Variants in AHRR observed in about 807,000 individuals in gnomAD.
The protein encoded by AHRR is aryl hydrocarbon receptor repressor.
A neutral mutation model predicts 44.0 loss-of-function variants in AHRR; 28 were observed. The ratio of observed to expected loss-of-function variants is 0.64; its 90% CI spans 0.47 to 0.87. The LOEUF (loss-of-function observed/expected upper bound fraction) is 0.87. AHRR is among the 40% of genes least tolerant of loss of function. The pLI, the probability that AHRR is intolerant of heterozygous loss-of-function variation, is 0.00. For missense variants in AHRR, 990 were observed against 953.9 expected (o/e 1.04, Z -0.50); for synonymous variants, 434 against 407.0 (o/e 1.07, Z -0.80).
In AHRR at chr5:430,103, G is replaced by A. The variant is rs1736656483; in HGVS notation, c.908+2097G>A. 4.6e-5 allele frequency among the ~76,000 whole-genome samples: 7 copies of A among 152,096 alleles called. No individual in the cohort carries two copies. In the South Asian group the frequency reaches 1.2e-3, roughly 27 times the overall value. On this transcript the variant is annotated intron_variant, in intron 8 of 10. Coordinates refer to ENST00000684583, the MANE Select transcript of AHRR (RefSeq NM_001377236.1). ...CTGCTGTACCTGCTGTGGCAGGCGC[G>A]TTGGGGTGATCTTAAGTTGCAGTCA... is the stretch of plus-strand genomic sequence containing the variant.
In AHRR at chr5:419,083, G is replaced by A. The variant is rs1735955474; in HGVS notation, c.442-3646G>A. The A allele has an allele frequency of 6.6e-6, 1 of 152,256 alleles. No individual in the cohort carries two copies. 9.4% of individuals were successfully genotyped at this position (152,256 alleles called of 1,614,324 possible). The stretch of plus-strand genomic sequence containing the variant: ...CCTGACCGTGACCACAAAGCTGAAG[G>A]AGTCTCTCTCTTCTATTGGGAAATA... On this transcript the variant is annotated intron_variant, in intron 5 of 10. Transcript: ENST00000684583. This position sits in a 1 kb window ranked among gnomAD's most constrained non-coding sequence, Gnocchi z 4.4.
intron 4 of AHRR, among the ~76,000 whole-genome samples, chr5:400,055 G>A (rs1476996289): frequency 1.1e-4 from 16 of 152,166 alleles, no homozygotes; most frequent in Admixed American, 8.5e-4. Context: ...CCCGGTGCCC[G>A]CTCGCGTGAC....
intron 5 of AHRR, among the ~76,000 whole-genome samples, chr5:415,429 A>G (rs62331589): frequency 0.033 from 1,813 of 54,974 alleles, 28 homozygotes; most frequent in African/African-American, 0.072. Context: ...TAGGGGCCGA[A>G]TCTGCCTGGT....
At chr5:330,454 AC>A (rs1170539397) in intron 1 of AHRR, among the ~76,000 whole-genome samples, 3 of 152,026 alleles carry the variant, frequency 2.0e-5, no homozygotes, top group Non-Finnish European at 2.9e-5. Context: ...GCTCACTGTA[AC>A]CTCTGCCTCC....
chr5:378,235 A>G (rs1733826289), intron 4 of AHRR, among the ~76,000 whole-genome samples: 1 of 152,178 alleles, frequency 6.6e-6, no homozygotes, highest in African/African-American at 2.4e-5. Context: ...CTAATCTTCA[A>G]TCTCTTCACA....
chr5:350,358 T>G lies in AHRR; in HGVS notation c.63-3372T>G, dbSNP rs115647119. On this transcript the variant is annotated intron_variant, in intron 2 of 10. Transcript: ENST00000684583. ...ATATTTTGGGGCGTCTCTTTCCGCC[T>G]GAGCTGGCTTGGTGCACCTCCCACA... Among the ~76,000 whole-genome samples, 191 of 152,362 alleles carry G rather than the reference T, an allele frequency of 1.3e-3. 1 individual carries two copies. The highest frequency in any genetic ancestry group is 4.4e-3 in the African/African-American group (184 of 41,588).
intron 3 of AHRR, among the ~76,000 whole-genome samples, chr5:356,014 T>TA (rs1223516645): frequency 4.6e-5 from 7 of 152,340 alleles, no homozygotes; most frequent in African/African-American, 1.7e-4. Context: ...CCTCTTGACT[T>TA]AGAGATGGGT....
chr5:330,582 C>A (rs1042218635), intron 1 of AHRR, among the ~76,000 whole-genome samples: 11 of 152,126 alleles, frequency 7.2e-5, no homozygotes, highest in African/African-American at 2.7e-4. Context: ...CCGTGTTGGG[C>A]AGGCTGGCCT....
intron 8 of AHRR, among the ~76,000 whole-genome samples, chr5:428,700 TAC>T (rs945958894): frequency 2.6e-4 from 39 of 152,374 alleles, no homozygotes; most frequent in Non-Finnish European, 4.7e-4. Flanking sequence ...GAAATAATTA[TAC>T]AACTTGGCAT....
At chr5:324,020 T>TC (rs1491314471) in intron 1 of AHRR, among the ~76,000 whole-genome samples, 3 of 143,096 alleles carry the variant, frequency 2.1e-5, no homozygotes, top group Non-Finnish European at 4.4e-5. Flanking sequence ...TCTTTCTTTC[T>TC]TTCTCTCTCT....
At position 326,243 on chromosome 5, in the gene AHRR, G is replaced by T. The variant is rs983337287; in HGVS notation, c.-11+4424G>T. Among the ~76,000 whole-genome samples the T allele has an allele frequency of 6.6e-6, 1 of 152,196 alleles. No individual in the cohort carries two copies. Among genetic ancestry groups the T allele is most frequent in the African/African-American group, 2.4e-5 (1 of 41,446 alleles). The stretch of plus-strand genomic sequence containing the variant: ...CGCCTCCGGCAGTGCTCACCCACCA[G>T]GCAGTCACTCCCCAGTCCCTGCTCC... On this transcript the variant is annotated intron_variant, in intron 1 of 10. Transcript: ENST00000684583. The surrounding 1 kb of genome is among the most constrained non-coding windows in gnomAD (Gnocchi z 4.1).
At chr5:339,564 C>G (rs896229316) in intron 1 of AHRR, among the ~76,000 whole-genome samples, 1 of 152,086 alleles carries the variant, frequency 6.6e-6, no homozygotes, top group African/African-American at 2.4e-5. Flanking sequence ...CTGGCTAGTA[C>G]ACAAATAATT....
At chr5:412,364 G>C (rs1735500942) in intron 4 of AHRR, among the ~76,000 whole-genome samples, 1 of 152,198 alleles carries the variant, frequency 6.6e-6, no homozygotes, top group African/African-American at 2.4e-5. Flanking sequence ...GCCCGCACTA[G>C]AGGGTCTTCA....
Position 342,469 on chromosome 5 carries a change from A to C in AHRR, c.-10-1424A>C, listed in dbSNP as rs1742379094. ...GAAGTCTTCTTTGTCTGGGACTCAT[A>C]CAGCTGCTTCATTTGATTAACGTTT... On this transcript the variant is annotated intron_variant, in intron 1 of 10. Coordinates refer to ENST00000684583, the MANE Select transcript of AHRR (RefSeq NM_001377236.1). This position sits in a 1 kb window ranked among gnomAD's most constrained non-coding sequence, Gnocchi z 4.3. Among the ~76,000 whole-genome samples the C allele has an allele frequency of 2.0e-5, 3 of 152,128 alleles. No individual in the cohort carries two copies. The South Asian group carries it at 6.2e-4, about 31-fold the overall frequency.
intron 5 of AHRR, among the ~76,000 whole-genome samples, chr5:418,221 G>A (rs980430908): frequency 1.3e-5 from 2 of 152,204 alleles, no homozygotes; most frequent in African/African-American, 2.4e-5. Flanking sequence ...TTTAGTTGAC[G>A]AAAGGAGGGT....
chr5:405,869 C>A lies in AHRR; in HGVS notation c.352-7475C>A, dbSNP rs1735233586. 6.6e-6 allele frequency among the ~76,000 whole-genome samples: 1 copy of A among 152,212 alleles called. No homozygotes were observed. Among genetic ancestry groups the A allele is most frequent in the Non-Finnish European group, 1.5e-5 (1 of 68,042 alleles). On this transcript the variant is annotated intron_variant, in intron 4 of 10. Coordinates refer to ENST00000684583, the MANE Select transcript of AHRR (RefSeq NM_001377236.1). The surrounding 1 kb of genome is among the most constrained non-coding windows in gnomAD (Gnocchi z 4.5). ...TATGGCTTTGCAGCCTAGCAAGGCTCTCGGTCTGAGGCTGCGTCCTTCTGG... is the reference window on the plus strand; with the variant it reads ...TATGGCTTTGCAGCCTAGCAAGGCTATCGGTCTGAGGCTGCGTCCTTCTGG...
chr5:432,569 T>C (rs912399870), intron 9 of AHRR, 45 bp downstream of exon 9: 6 of 1,597,920 alleles, frequency 3.8e-6, no homozygotes, highest in African/African-American at 2.7e-5. Context: ...ATGGGTAAAA[T>C]GTGTTTCTGC....
chr5:438,184 A>G lies in AHRR; in HGVS notation c.*3350A>G, dbSNP rs1018194157. On this transcript the variant is annotated 3_prime_UTR_variant, in exon 11 of 11. Transcript: ENST00000684583. ...ATGCAACTTTCTCTACTGCTTTCTC[A>G]GTGCCTTTAGGAAGCTTTCAAATTT... The G allele has an allele frequency of 6.6e-6, 1 of 152,366 alleles. No individual in the cohort carries two copies. Among genetic ancestry groups the G allele is most frequent in the Non-Finnish European group, 1.5e-5 (1 of 68,034 alleles). The allele number at this position is 152,366 out of a possible 1,614,324, so 9.4% of individuals were successfully genotyped here.
At chr5:373,630 G>T (rs528747783) in intron 3 of AHRR, among the ~76,000 whole-genome samples, 30 of 152,008 alleles carry the variant, frequency 2.0e-4, no homozygotes, top group Non-Finnish European at 4.1e-4. Context: ...CAGAGGAGGA[G>T]ACTGGGGCTG....
Sources: gnomAD v4.1 joint callset for allele counts (sites outside exome capture counted in the v4.1 genomes callset) on GRCh38, gnomAD v4.1.1 for gene constraint, Gnocchi (gnomAD v3.1) non-coding constraint, MANE v1.5 for transcripts, NCBI Gene and HGNC (gene_info 2026-07-23, HGNC 2026-07-21) for gene names.